The following TMEM117 variants were observed in gnomAD, a reference collection of about 807,000 sequenced individuals.
TMEM117 encodes the protein transmembrane protein 117.
A neutral mutation model predicts 52.4 loss-of-function variants in TMEM117; 27 were observed. The ratio of observed to expected loss-of-function variants is 0.51; its 90% confidence interval spans 0.38 to 0.71. TMEM117 has a LOEUF of 0.71. Among genes scored for constraint, TMEM117 ranks in the 30% least tolerant of loss-of-function variants. The pLI is 0.00. For synonymous variants in TMEM117, 215 were observed against 206.3 expected (o/e 1.04, Z -0.36); for missense variants, 556 against 630.5 (o/e 0.88, Z 1.26).
chr12:43,916,540 C>G (rs955803885), intron 2 of TMEM117, among the ~76,000 whole-genome samples: 7 of 152,086 alleles, frequency 4.6e-5, no homozygotes, highest in Non-Finnish European at 1.5e-5. Flanking sequence ...ATTGTACCAC[C>G]ATATTTAGTT....
At chr12:44,352,336 G>T (rs1490774976) in intron 6 of TMEM117, among the ~76,000 whole-genome samples, 1 of 151,776 alleles carries the variant, frequency 6.6e-6, no homozygotes, top group Non-Finnish European at 1.5e-5. Flanking sequence ...GGGTACATGT[G>T]CACAACGTGC....
chr12:44,369,500 C>T (rs1951834011), intron 6 of TMEM117, among the ~76,000 whole-genome samples: 1 of 151,974 alleles, frequency 6.6e-6, no homozygotes, highest in Non-Finnish European at 1.5e-5. Context: ...TCAGAATTTT[C>T]CAGGAAAATT....
rs560709300 is a variant in TMEM117 at position 44,270,261 on chromosome 12, G to A, written c.609-29319G>A. 7.2e-5 allele frequency among the ~76,000 whole-genome samples: 11 copies of A among 152,208 alleles called. No homozygotes were observed. The South Asian group carries it at 2.3e-3, about 32-fold the overall frequency. On this transcript the variant is annotated intron_variant, in intron 5 of 7. Transcript: ENST00000266534. Reference sequence around the variant, plus strand: ...AAGTATAATGCTCCTTACACAGAAAGAGGTTGTTAATAGTTTCTTTCAGCC... The same window carrying A: ...AAGTATAATGCTCCTTACACAGAAAAAGGTTGTTAATAGTTTCTTTCAGCC...
At chr12:43,929,880 G>A (rs191534109) in intron 2 of TMEM117, among the ~76,000 whole-genome samples, 1 of 152,118 alleles carries the variant, frequency 6.6e-6, no homozygotes, top group East Asian at 1.9e-4. Context: ...CACCATCACT[G>A]AGTCTGCTTA....
At chr12:44,349,916 A>C (rs990567493) in intron 6 of TMEM117, among the ~76,000 whole-genome samples, 1 of 152,040 alleles carries the variant, frequency 6.6e-6, no homozygotes, top group African/African-American at 2.4e-5. Flanking sequence ...AATTTGCCAC[A>C]TGCAAAGTAT....
At chr12:44,093,062 G>A (rs992623035) in intron 3 of TMEM117, among the ~76,000 whole-genome samples, 5 of 152,084 alleles carry the variant, frequency 3.3e-5, no homozygotes, top group African/African-American at 9.7e-5. Context: ...AGGAGCAAGT[G>A]TTTCAGAGAT....
intron 3 of TMEM117, among the ~76,000 whole-genome samples, chr12:44,067,580 G>C (rs542105681): frequency 6.6e-6 from 1 of 152,066 alleles, no homozygotes; most frequent in Non-Finnish European, 1.5e-5. Context: ...ATATTATGGC[G>C]GTAATATTTT....
intron 2 of TMEM117, among the ~76,000 whole-genome samples, chr12:43,915,202 C>G (rs578030469): frequency 1.1e-3 from 160 of 152,244 alleles, no homozygotes; most frequent in African/African-American, 3.8e-3. Context: ...GCTTGGCCAC[C>G]CCTCAGTGAC....
chr12:43,944,502 AT>A (rs557317352), intron 3 of TMEM117, among the ~76,000 whole-genome samples, 160 bp downstream of exon 3: 5,048 of 149,498 alleles, frequency 0.034, 110 homozygotes, highest in Middle Eastern at 0.076. Context: ...AGACATTAAC[AT>A]TTTTTTTTTC....
At chr12:44,128,183 G>A (rs1015611784) in intron 3 of TMEM117, among the ~76,000 whole-genome samples, 5 of 152,180 alleles carry the variant, frequency 3.3e-5, no homozygotes, top group Non-Finnish European at 7.4e-5. Flanking sequence ...GCAGCCCTGA[G>A]CTGCCCTCTC....
chr12:44,008,825 T>C (rs1292338629), intron 3 of TMEM117: 1 of 440,238 alleles, frequency 2.3e-6, no homozygotes, highest in African/African-American at 2.1e-5. Context: ...CTCTCCCATA[T>C]GAATTATTTG....
intron 6 of TMEM117, among the ~76,000 whole-genome samples, chr12:44,347,038 A>C (rs1951497734): frequency 6.6e-6 from 1 of 151,970 alleles, no homozygotes; most frequent in Non-Finnish European, 1.5e-5. Flanking sequence ...TCATTTGTAA[A>C]TCTTCTCCCC....
rs778555335 is a variant in TMEM117, at chr12:44,213,052, C to A, written c.608+1665C>A. ...CATGTGGCCTATGGTACTATTTAAC[C>A]TCCATCTTTTTTCCTATTTGTAAAC... is the stretch of plus-strand genomic sequence containing the variant. On this transcript the variant is annotated intron_variant, in intron 5 of 7. Coordinates refer to ENST00000266534, the MANE Select transcript of TMEM117 (RefSeq NM_032256.3). Among the ~76,000 whole-genome samples the A allele has an allele frequency of 2.4e-4, 36 of 152,098 alleles. 1 individual carries two copies. Among genetic ancestry groups the A allele is most frequent in the Non-Finnish European group, 2.6e-4 (18 of 68,018 alleles).
At chr12:44,284,331 A>G (rs1246994516) in intron 5 of TMEM117, among the ~76,000 whole-genome samples, 1 of 152,124 alleles carries the variant, frequency 6.6e-6, no homozygotes, top group East Asian at 1.9e-4. Flanking sequence ...CAACAAAAAA[A>G]GTGACTTTCA....
Position 44,211,441 on chromosome 12 carries a change from T to G in TMEM117, c.608+54T>G. 4.0e-6 allele frequency: 5 copies of G among 1,249,100 alleles called. No homozygotes were observed. The Admixed American group carries it at 9.9e-5, about 25-fold the overall frequency. The allele number at this position is 1,249,100 out of a possible 1,614,324, so 77.4% of individuals were successfully genotyped here. ...TGCCTTGCCTCATTCACTGAAGGAC[T>G]TTAGTTGGATGTAATTTTCCTTACA... On this transcript the variant is annotated intron_variant, in intron 5 of 7. Transcript: ENST00000266534.
intron 3 of TMEM117, among the ~76,000 whole-genome samples, chr12:44,100,422 T>C (rs968900122): frequency 3.3e-5 from 5 of 152,056 alleles, no homozygotes; most frequent in Non-Finnish European, 7.4e-5. Context: ...TTAAACATCC[T>C]AATTGTCTCT....
At chr12:43,875,659 A>C (rs1943783200) in intron 2 of TMEM117, among the ~76,000 whole-genome samples, 2 of 152,162 alleles carry the variant, frequency 1.3e-5, no homozygotes, top group African/African-American at 4.8e-5. Flanking sequence ...TAGCTGCCTA[A>C]AATTCAAAGA....
At position 43,988,802 on chromosome 12, in the gene TMEM117, T is replaced by C. The variant is rs185258189; in HGVS notation, c.410+44460T>C. Among the ~76,000 whole-genome samples, 371 of 152,250 alleles carry C rather than the reference T, an allele frequency of 2.4e-3. 3 individuals are homozygous for C. The highest frequency in any genetic ancestry group is 8.5e-4 in the Non-Finnish European group (58 of 67,970). On this transcript the variant is annotated intron_variant, in intron 3 of 7. Transcript: ENST00000266534. ...GAAATAAATATGAGGCTGCTCTGAA[T>C]GATCGTTGGTATTTTGCAAAACGTT...
the TMEM117 span, among the ~76,000 whole-genome samples, chr12:43,815,898 T>C: frequency 6.6e-6 from 1 of 152,224 alleles, no homozygotes; most frequent in African/African-American, 2.4e-5. Context: ...AAAACTCCAT[T>C]CCTTTTGTTT....
Sources: allele counts gnomAD v4.1 joint callset (sites outside exome capture counted in the v4.1 genomes callset), GRCh38; gene constraint gnomAD v4.1.1; transcripts MANE v1.5; gene names NCBI Gene and HGNC (gene_info 2026-07-23, HGNC 2026-07-21).